Variants in CCDC33 observed in about 807,000 individuals in gnomAD.
CCDC33 encodes the protein coiled-coil domain containing 33, also known as coiled-coil domain-containing protein 33.
A neutral mutation model predicts 91.9 loss-of-function variants in CCDC33; 94 were observed. The ratio of observed to expected loss-of-function variants is 1.02; its 90% CI spans 0.87 to 1.21. The LOEUF (loss-of-function observed/expected upper bound fraction) is 1.21. Ranked by LOEUF, CCDC33 falls within the 50% of genes most tolerant of loss-of-function variation. CCDC33 has a pLI of 0.00. For missense variants in CCDC33, 940 were observed against 935.5 expected (o/e 1.00, Z -0.06); for synonymous variants, 396 against 374.5 (o/e 1.06, Z -0.66).
chr15:74,291,211 CA>C (rs1354685592), intron 10 of CCDC33, among the ~76,000 whole-genome samples: 6 of 152,246 alleles, frequency 3.9e-5, no homozygotes, highest in African/African-American at 1.4e-4. Context: ...GCAGGGGAGG[CA>C]GCAAGCCCTC....
chr15:74,250,034 A>G (rs763115412), intron 2 of CCDC33, among the ~76,000 whole-genome samples: 1 of 151,874 alleles, frequency 6.6e-6, no homozygotes, highest in Non-Finnish European at 1.5e-5. Flanking sequence ...CTCTTTTTCC[A>G]TGTGATCCCA....
At chr15:74,217,154 C>A, upstream of CCDC33, 3 of 684,354 alleles carry the variant, frequency 4.4e-6, no homozygotes, top group African/African-American at 1.9e-5. Context: ...CTCAAACAAA[C>A]AGAGGTGGGT....
chr15:74,293,791 T>C (rs2059628822), intron 10 of CCDC33, among the ~76,000 whole-genome samples: 1 of 152,220 alleles, frequency 6.6e-6, no homozygotes, highest in African/African-American at 2.4e-5. Context: ...AAGAGTCTTA[T>C]TATAGCTGCT....
At chr15:74,236,850 G>T in intron 1 of CCDC33, 110 bp downstream of exon 1, 1 of 1,103,580 alleles carries the variant, frequency 9.1e-7, no homozygotes, top group South Asian at 1.5e-5. Context: ...TCCCTTCCCT[G>T]GGTCTCAGTT....
At chr15:74,245,449 G>A (rs1419082818) in intron 2 of CCDC33, among the ~76,000 whole-genome samples, 1 of 152,232 alleles carries the variant, frequency 6.6e-6, no homozygotes, top group Non-Finnish European at 1.5e-5. Context: ...AGCAGGCTTG[G>A]CAGGGAGGCT....
At chr15:74,301,089 T>C (rs2059786658) in intron 11 of CCDC33, 1 of 152,114 alleles carries the variant, frequency 6.6e-6, no homozygotes, top group Admixed American at 6.5e-5. Flanking sequence ...AGGTGAGCCT[T>C]TAAGTGAGTG....
chr15:74,203,094 A>G (rs2074160255), exon 1 of CCDC33: 3 of 985,420 alleles, frequency 3.0e-6, no homozygotes, highest in Non-Finnish European at 2.4e-6. Context: ...TACAGCAACA[A>G]CCGAGTGAGA....
chr15:74,300,867 C>G (rs1049177286), intron 11 of CCDC33: 13 of 152,412 alleles, frequency 8.5e-5, no homozygotes, highest in Admixed American at 8.5e-4. Flanking sequence ...TCCCAGACTG[C>G]AACCCAACCA....
intron 1 of CCDC33, chr15:74,207,654 A>T: frequency 6.6e-7 from 1 of 1,513,268 alleles, no homozygotes; most frequent in Non-Finnish European, 8.9e-7. Context: ...GAGAACACGC[A>T]AGAGAGGCGT....
intron 6 of CCDC33, 74 bp from the exon 7 acceptor site, chr15:74,272,697 T>C: frequency 1.3e-6 from 2 of 1,575,962 alleles, no homozygotes; most frequent in Middle Eastern, 1.7e-4. Flanking sequence ...ACCCAGAGTC[T>C]AAGCGGGGGG....
chr15:74,226,352 C>T (rs1157749998), intron 2 of CCDC33, among the ~76,000 whole-genome samples: 1 of 152,164 alleles, frequency 6.6e-6, no homozygotes, highest in Non-Finnish European at 1.5e-5. Flanking sequence ...CTCCCTGGGC[C>T]TCAAATTCCT....
intron 1 of CCDC33, chr15:74,243,780 A>G (rs1056310571): frequency 1.6e-6 from 1 of 621,070 alleles, no homozygotes; most frequent in African/African-American, 1.8e-5. Flanking sequence ...TCCCGTCTCT[A>G]CTAAAAATAC....
At chr15:74,271,168 G>A (rs370913792) in intron 5 of CCDC33, among the ~76,000 whole-genome samples, 14 of 152,120 alleles carry the variant, frequency 9.2e-5, no homozygotes, top group Non-Finnish European at 1.3e-4. Flanking sequence ...GGCTGTGGCC[G>A]CTGATCTCAG....
intron 11 of CCDC33, chr15:74,302,665 A>G (rs376181694): frequency 6.6e-6 from 1 of 152,266 alleles, no homozygotes; most frequent in Non-Finnish European, 1.5e-5. Context: ...TGAGGTGTTC[A>G]GTGCTTAAAC....
intron 2 of CCDC33, among the ~76,000 whole-genome samples, chr15:74,221,917 CA>C (rs943353389): frequency 6.6e-6 from 1 of 152,164 alleles, no homozygotes; most frequent in Non-Finnish European, 1.5e-5. Flanking sequence ...TATGCCTCTC[CA>C]GCTCCCAGAG....
At chr15:74,334,058 A>G (rs1206361429) in intron 17 of CCDC33, 91 bp downstream of exon 17, 2 of 1,121,930 alleles carry the variant, frequency 1.8e-6, no homozygotes, top group Non-Finnish European at 1.3e-6. Context: ...TCTAGGCTCA[A>G]TCTATGACCA....
chr15:74,241,681 G>A (rs186204051), intron 1 of CCDC33, among the ~76,000 whole-genome samples: 14 of 152,330 alleles, frequency 9.2e-5, no homozygotes, highest in East Asian at 1.9e-4. Flanking sequence ...ACGGAGAGTC[G>A]GAGAGGAAAC....
intron 7 of CCDC33, among the ~76,000 whole-genome samples, chr15:74,278,366 CTG>C (rs1330161361): frequency 6.6e-6 from 1 of 152,260 alleles, no homozygotes; most frequent in Non-Finnish European, 1.5e-5. Context: ...CGAGCAATGA[CTG>C]ATTCCTGTGG....
chr15:74,208,803 C>T, intron 1 of CCDC33: 1 of 988,988 alleles, frequency 1.0e-6, no homozygotes, highest in Non-Finnish European at 1.2e-6. Context: ...AGCCTACCTC[C>T]AATCAAGCGC....
Sources: gnomAD v4.1 joint callset for allele counts (sites outside exome capture counted in the v4.1 genomes callset) on GRCh38, gnomAD v4.1.1 for gene constraint, MANE v1.5 for transcripts, NCBI Gene and HGNC (gene_info 2026-07-23, HGNC 2026-07-21) for gene names.